The following PDGFD variants were observed in gnomAD, a reference collection of about 807,000 sequenced individuals.
PDGFD encodes platelet derived growth factor D.
A neutral mutation model predicts 44.7 loss-of-function variants in PDGFD; 30 were observed. The observed-to-expected ratio is 0.67, with a 90% CI of 0.50 to 0.91. PDGFD has a LOEUF of 0.91. Ranked by LOEUF, PDGFD falls within the 40% of genes least tolerant of loss-of-function variation. The probability of loss-of-function intolerance (pLI) is 0.00; values close to 1 mark genes in which losing one functional copy is unlikely to be tolerated. For synonymous variants in PDGFD, 173 were observed against 168.4 expected (o/e 1.03, Z -0.21); for missense variants, 445 against 457.8 (o/e 0.97, Z 0.25).
intron 1 of PDGFD, among the ~76,000 whole-genome samples, chr11:104,078,406 T>C (rs778900175): frequency 6.6e-6 from 1 of 152,124 alleles, no homozygotes; most frequent in Non-Finnish European, 1.5e-5. Flanking sequence ...CTTCTCAGAT[T>C]TATCCTTTTC....
intron 5 of PDGFD, among the ~76,000 whole-genome samples, chr11:103,933,326 C>T (rs1858435907): frequency 6.6e-6 from 1 of 152,172 alleles, no homozygotes; most frequent in African/African-American, 2.4e-5. Context: ...CTGTGATTTT[C>T]AGAATCCCTC....
chr11:104,047,007 T>C (rs1359230057), intron 1 of PDGFD, among the ~76,000 whole-genome samples: 1 of 146,924 alleles, frequency 6.8e-6, no homozygotes, highest in Non-Finnish European at 1.5e-5. Flanking sequence ...TTTCTGTTCC[T>C]GTGATAGTTT....
chr11:104,123,221 C>T (rs935690599), intron 1 of PDGFD, among the ~76,000 whole-genome samples: 1 of 151,990 alleles, frequency 6.6e-6, no homozygotes, highest in Non-Finnish European at 1.5e-5. Flanking sequence ...TCGACCATAA[C>T]AGAAGTTATT....
intron 3 of PDGFD, among the ~76,000 whole-genome samples, chr11:103,978,279 G>C (rs1184474895): frequency 6.6e-6 from 1 of 152,004 alleles, no homozygotes; most frequent in East Asian, 1.9e-4. Context: ...TGTTCTTAAG[G>C]TTGCAGGGCT....
intron 1 of PDGFD, among the ~76,000 whole-genome samples, chr11:104,011,301 AC>A: frequency 6.6e-6 from 1 of 152,080 alleles, no homozygotes; most frequent in African/African-American, 2.4e-5. Flanking sequence ...TTGGTTTATC[AC>A]TTGTGATGTA....
intron 1 of PDGFD, chr11:104,036,549 G>A (rs1391900818): frequency 2.4e-5 from 12 of 508,438 alleles, no homozygotes; most frequent in Non-Finnish European, 3.6e-5. Context: ...ATCCATGGGA[G>A]TAGGCATTCT....
chr11:104,088,559 C>T (rs112947449), intron 1 of PDGFD, among the ~76,000 whole-genome samples: 4 of 152,106 alleles, frequency 2.6e-5, no homozygotes, highest in African/African-American at 9.7e-5. Context: ...ACATGACATA[C>T]CAAAATTAAA....
intron 3 of PDGFD, among the ~76,000 whole-genome samples, chr11:103,958,997 C>T (rs1858897094): frequency 6.6e-6 from 1 of 152,154 alleles, no homozygotes; most frequent in South Asian, 2.1e-4. Flanking sequence ...ACAGTCAACA[C>T]AGCTGGTACG....
chr11:103,916,134 C>T (rs1247201737), intron 6 of PDGFD, among the ~76,000 whole-genome samples: 2 of 150,062 alleles, frequency 1.3e-5, no homozygotes, highest in African/African-American at 2.5e-5. Context: ...CAAAAAAAAA[C>T]TGTCATCAGA....
chr11:104,068,559 T>A (rs1185916628), intron 1 of PDGFD, among the ~76,000 whole-genome samples: 1 of 152,198 alleles, frequency 6.6e-6, no homozygotes, highest in Non-Finnish European at 1.5e-5. Flanking sequence ...TGCTACATAA[T>A]CAGAAAGAGC....
intron 1 of PDGFD, among the ~76,000 whole-genome samples, chr11:104,160,425 T>C (rs969169723): frequency 2.0e-5 from 3 of 152,212 alleles, no homozygotes; most frequent in Admixed American, 1.3e-4. Flanking sequence ...TTGCAGTTAA[T>C]TGCTACCTTT....
chr11:104,101,188 T>C (rs979185576), intron 1 of PDGFD, among the ~76,000 whole-genome samples: 3 of 152,144 alleles, frequency 2.0e-5, no homozygotes, highest in African/African-American at 7.2e-5. Flanking sequence ...GACATGATTG[T>C]ATATCTAGAA....
intron 1 of PDGFD, among the ~76,000 whole-genome samples, chr11:104,118,149 G>C (rs1861668425): frequency 6.6e-6 from 1 of 151,884 alleles, no homozygotes; most frequent in African/African-American, 2.4e-5. Flanking sequence ...GCTATGGACT[G>C]AATGTTTGTG....
At chr11:104,050,659 G>A (rs1307595369) in intron 1 of PDGFD, among the ~76,000 whole-genome samples, 2 of 152,126 alleles carry the variant, frequency 1.3e-5, no homozygotes, top group Non-Finnish European at 2.9e-5. Context: ...AATGTGTGGG[G>A]CACTTTGGGA....
intron 3 of PDGFD, among the ~76,000 whole-genome samples, chr11:103,968,165 T>C (rs992606355): frequency 6.6e-6 from 1 of 152,172 alleles, no homozygotes; most frequent in Non-Finnish European, 1.5e-5. Flanking sequence ...TATCTCTCTA[T>C]GTCTTCTCTT....
rs76767910 is a variant in PDGFD, at chr11:104,142,909, C to T, written c.124+20895G>A. Among the ~76,000 whole-genome samples the T allele has an allele frequency of 6.8e-3, 1,029 of 152,192 alleles. 7 individuals are homozygous for T. Among genetic ancestry groups the T allele is most frequent in the African/African-American group, 0.021 (871 of 41,518 alleles). On this transcript the variant is annotated intron_variant, in intron 1 of 6. Coordinates refer to ENST00000393158, the MANE Select transcript of PDGFD (RefSeq NM_025208.5). ...CTGCATTCAGGGTGTCTGAGTGAGG[C>T]GAGTAAATCATTCCTGTAACTACAG...
Position 104,078,630 on chromosome 11 carries a change from A to C in PDGFD, c.125-78375T>G, listed in dbSNP as rs868625545. ...TTTAGTTCCTTAACCTGAAAAATCCAATAAAATCTCATCCAAAAATGCTTA... is the reference window on the plus strand; with the variant it reads ...TTTAGTTCCTTAACCTGAAAAATCCCATAAAATCTCATCCAAAAATGCTTA... On this transcript the variant is annotated intron_variant, in intron 1 of 6. Transcript: ENST00000393158. 3.3e-5 allele frequency among the ~76,000 whole-genome samples: 5 copies of C among 152,374 alleles called. No homozygotes were observed. In the South Asian group the frequency reaches 1.0e-3, roughly 32 times the overall value.
chr11:104,142,445 G>GTA (rs1203087587), intron 1 of PDGFD, among the ~76,000 whole-genome samples: 3 of 151,940 alleles, frequency 2.0e-5, no homozygotes, highest in Admixed American at 6.6e-5. Flanking sequence ...ATGTGTGTGT[G>GTA]TATATATATA....
intron 1 of PDGFD, among the ~76,000 whole-genome samples, chr11:104,035,495 A>T (rs1056632900): frequency 7.5e-5 from 11 of 147,206 alleles, no homozygotes; most frequent in South Asian, 2.1e-4. Context: ...AAGTCAATTT[A>T]AAAAAAAAAA....
Sources: allele counts gnomAD v4.1 joint callset (sites outside exome capture counted in the v4.1 genomes callset), GRCh38; gene constraint gnomAD v4.1.1; transcripts MANE v1.5; gene names NCBI Gene and HGNC (gene_info 2026-07-23, HGNC 2026-07-21).